ZIC1: variants seen among roughly 807,000 people sequenced by gnomAD.
The protein encoded by ZIC1 is zinc finger protein ZIC 1.
ZIC1 carries 4 observed loss-of-function variants against 30.9 expected under a neutral mutation model. The ratio of observed to expected loss-of-function variants is 0.13; its 90% CI spans 0.06 to 0.30. ZIC1 has a LOEUF of 0.30. Ranked by LOEUF, ZIC1 falls within the 10% of genes least tolerant of loss-of-function variation. ZIC1 has a pLI of 1.00. For missense variants in ZIC1, 441 were observed against 639.3 expected, an observed-to-expected ratio of 0.69 and a Z score of 3.34; for synonymous variants, 305 against 277.5, an observed-to-expected ratio of 1.10 and a Z score of -0.98.
chr3:147,410,024 T>G lies in ZIC1; in HGVS notation c.-89T>G, dbSNP rs1251973682. The G allele has an allele frequency of 1.5e-6, 2 of 1,341,172 alleles. No individual in the cohort carries two copies. Among genetic ancestry groups the G allele is most frequent in the African/African-American group, 1.5e-5 (1 of 64,570 alleles). The allele number at this position is 1,341,172 out of a possible 1,614,324, so 83.1% of individuals were successfully genotyped here. A position where few individuals can be genotyped will look rare whatever the true frequency, so the allele number is the denominator to read the frequency against. ...CTTCTTCCTCCTCTTCCTCCTCCTC[T>G]TGTTCCTCCTCCTCCTCCCGATTTT... On this transcript the variant is annotated 5_prime_UTR_variant, in exon 1 of 3. Coordinates refer to ENST00000282928, the MANE Select transcript of ZIC1 (RefSeq NM_003412.4).
chr3:147,415,142 AAATT>A lies in ZIC1; in HGVS notation c.*1597_*1600del, dbSNP rs2087422977. On this transcript the variant is annotated 3_prime_UTR_variant, in exon 3 of 3. Coordinates refer to ENST00000282928, the MANE Select transcript of ZIC1 (RefSeq NM_003412.4). ...TATTCTTCAAACATGATGCTAATTT[AAATT>A]AATTACTTCCTATGATATGTTATTA... The A allele has an allele frequency of 6.6e-6, 1 of 152,662 alleles. No homozygotes were observed. Among genetic ancestry groups the A allele is most frequent in the South Asian group, 2.1e-4 (1 of 4,832 alleles). The allele number at this position is 152,662 out of a possible 1,614,324, so 9.5% of individuals were successfully genotyped here.
chr3:147,413,666 T>A lies in ZIC1; in HGVS notation c.*115T>A. ...AACAACCCCCACACAGACCCCGCAA[T>A]CCTTTTTTAAAAAATCTGCCAATAG... is the stretch of plus-strand genomic sequence containing the variant. On this transcript the variant is annotated 3_prime_UTR_variant, in exon 3 of 3. Coordinates refer to ENST00000282928, the MANE Select transcript of ZIC1 (RefSeq NM_003412.4). 1 of 1,244,294 alleles carries A rather than the reference T, an allele frequency of 8.0e-7. No homozygotes were observed. The highest frequency in any genetic ancestry group is 1.7e-5 in the South Asian group (1 of 57,846). 77.1% of individuals were successfully genotyped at this position (1,244,294 alleles called of 1,614,324 possible). A position where few individuals can be genotyped will look rare whatever the true frequency, so the allele number is the denominator to read the frequency against.
Position 147,410,009 on chromosome 3 carries a change from C to T in ZIC1, c.-104C>T. 1 of 1,257,950 alleles carries T rather than the reference C, an allele frequency of 7.9e-7. No individual in the cohort carries two copies. The highest frequency in any genetic ancestry group is 1.1e-6 in the Non-Finnish European group (1 of 950,566). 77.9% of individuals were successfully genotyped at this position (1,257,950 alleles called of 1,614,324 possible). ...CCCCTCCCTCCTCCTCTTCTTCCTC[C>T]TCTTCCTCCTCCTCTTGTTCCTCCT... On this transcript the variant is annotated 5_prime_UTR_variant, in exon 1 of 3. Transcript: ENST00000282928.
chr3:147,412,285 A>T (rs2087388098), intron 1 of ZIC1, among the ~76,000 whole-genome samples: 1 of 152,200 alleles, frequency 6.6e-6, no homozygotes, highest in Admixed American at 6.5e-5. Flanking sequence ...ATTTTTTTAA[A>T]CATAAAAATA....
chr3:147,412,737 C>A, intron 2 of ZIC1, 56 bp downstream of exon 2: 1 of 1,576,422 alleles, frequency 6.3e-7, no homozygotes, highest in Non-Finnish European at 8.6e-7. Context: ...TGGCTCTCGG[C>A]TTGGGGTCGG....
chr3:147,411,714 C>G (rs1185037761), intron 1 of ZIC1, among the ~76,000 whole-genome samples: 2 of 151,908 alleles, frequency 1.3e-5, no homozygotes, highest in African/African-American at 4.8e-5. Flanking sequence ...TGGAGAAAGT[C>G]CGAGGAAGGC....
Position 147,410,525 on chromosome 3 carries a change from C to T in ZIC1, c.413C>T (p.Ala138Val), listed in dbSNP as rs1478245953. 3 of 1,609,014 alleles carry T rather than the reference C, an allele frequency of 1.9e-6. No individual in the cohort carries two copies. The highest frequency in any genetic ancestry group is 1.7e-6 in the Non-Finnish European group (2 of 1,178,984). The change falls in exon 1 of 3, where the codon GCG (alanine) becomes GTG (valine). Residue 138 changes from alanine to valine, a missense_variant. Physicochemically the swap from Ala to Val is moderately conservative, Grantham distance 64. Around this residue, in one of 5 missense-constraint regions of ZIC1, gnomAD observed 307 missense variants for 355.3 expected, o/e 0.86. Transcript: ENST00000282928. ...FGGPHGHTDA[A>V]GHLLFPGLHE... ...GGCCCACACGGCCACACGGACGCCG[C>T]GGGCCACCTCCTCTTCCCCGGGCTT...
rs1314272925 is a variant in ZIC1 at position 147,412,528 on chromosome 3, C to T, written c.993C>T (p.Pro331=). 12 of 1,614,150 alleles carry T rather than the reference C, an allele frequency of 7.4e-6. No homozygotes were observed. The highest frequency in any genetic ancestry group is 9.3e-6 in the Non-Finnish European group (11 of 1,180,020). Residue 331 remains proline, a synonymous_variant, in exon 2 of 3, where the codon CCC becomes CCT. Transcript: ENST00000282928. ...IHKRTHTGEK[P]FKCEFEGCDR... ...CTACTTTGGCACCAGGGGAGAAGCC[C>T]TTCAAGTGCGAGTTTGAGGGCTGTG...
rs768864689 is a variant in ZIC1, at chr3:147,410,868, A to G, written c.756A>G (p.Leu252=). Residue 252 remains leucine (L), a synonymous_variant, in exon 1 of 3, where the codon CTA becomes CTG. Transcript: ENST00000282928. Reference sequence around the variant, plus strand: ...AAACTTTCAGCACCATGCACGAGCTAGTTACGCACGTCACCGTGGAGCACG... The same window carrying G: ...AAACTTTCAGCACCATGCACGAGCTGGTTACGCACGTCACCGTGGAGCACG... ...CNKTFSTMHE[L]VTHVTVEHVG... The G allele has an allele frequency of 1.2e-6, 2 of 1,614,258 alleles. No homozygotes were observed. The highest frequency in any genetic ancestry group is 1.3e-5 in the African/African-American group (1 of 75,070).
intron 1 of ZIC1, among the ~76,000 whole-genome samples, chr3:147,411,542 A>G (rs2087378707): frequency 6.6e-6 from 1 of 152,234 alleles, no homozygotes; most frequent in Admixed American, 6.5e-5. Context: ...GAAATTGAGG[A>G]GGCCGGGTTA....
Position 147,409,853 on chromosome 3 carries a change from G to T in ZIC1, c.-260G>T, listed in dbSNP as rs941326890. The T allele has an allele frequency of 1.5e-5, 7 of 481,584 alleles. No homozygotes were observed. The highest frequency in any genetic ancestry group is 8.3e-5 in the Admixed American group (2 of 23,958). 29.8% of individuals were successfully genotyped at this position (481,584 alleles called of 1,614,324 possible). On this transcript the variant is annotated 5_prime_UTR_variant, in exon 1 of 3. Coordinates refer to ENST00000282928, the MANE Select transcript of ZIC1 (RefSeq NM_003412.4). Reference sequence around the variant, plus strand: ...AGTGCGAGCCGGGCCGGCAGAATCTGCCTGGCGGGCGCTGGAGCCTGCGTT... The same window carrying T: ...AGTGCGAGCCGGGCCGGCAGAATCTTCCTGGCGGGCGCTGGAGCCTGCGTT...
Position 147,409,894 on chromosome 3 carries a change from C to T in ZIC1, c.-219C>T. 1 of 531,302 alleles carries T rather than the reference C, an allele frequency of 1.9e-6. No homozygotes were observed. The highest frequency in any genetic ancestry group is 2.0e-5 in the African/African-American group (1 of 49,464). 32.9% of individuals were successfully genotyped at this position (531,302 alleles called of 1,614,324 possible). A position where few individuals can be genotyped will look rare whatever the true frequency, so the allele number is the denominator to read the frequency against. On this transcript the variant is annotated 5_prime_UTR_variant, in exon 1 of 3. Coordinates refer to ENST00000282928, the MANE Select transcript of ZIC1 (RefSeq NM_003412.4). ...AGCCTGCGTTACTCGCGGCCCGCAG[C>T]CGTCCGGCTACTTTGCGTTTGGCCC... is the stretch of plus-strand genomic sequence containing the variant.
chr3:147,410,236 G>A lies in ZIC1; in HGVS notation c.124G>A (p.Asp42Asn), dbSNP rs1291218062. Residue 42 changes from aspartate to asparagine, a missense_variant, in exon 1 of 3, where the codon GAC becomes AAC. Physicochemically the swap from Asp to Asn is conservative, Grantham distance 23. Around this residue, in one of 5 missense-constraint regions of ZIC1, gnomAD observed 307 missense variants for 355.3 expected, o/e 0.86. Transcript: ENST00000282928. ...DVGLGINPFA[D>N]GMGAFKLNPS... ...GGGCCTGGGCATCAACCCGTTCGCC[G>A]ACGGCATGGGCGCCTTCAAGCTCAA... The A allele has an allele frequency of 1.2e-6, 2 of 1,601,312 alleles. No individual in the cohort carries two copies. The highest frequency in any genetic ancestry group is 1.3e-5 in the African/African-American group (1 of 74,914).
chr3:147,410,054 C>G lies in ZIC1; in HGVS notation c.-59C>G. On this transcript the variant is annotated 5_prime_UTR_variant, in exon 1 of 3. Transcript: ENST00000282928. ...CCTCCTCCTCCTCCCGATTTTCCCT[C>G]CTCGGCTGGCGAGGGTGGGGGGGGC... 7.1e-7 allele frequency: 1 copy of G among 1,416,358 alleles called. No homozygotes were observed. Among genetic ancestry groups the G allele is most frequent in the Non-Finnish European group, 9.2e-7 (1 of 1,092,170 alleles). 87.7% of individuals were successfully genotyped at this position (1,416,358 alleles called of 1,614,324 possible). A position where few individuals can be genotyped will look rare whatever the true frequency, so the allele number is the denominator to read the frequency against.
At position 147,410,619 on chromosome 3, in the gene ZIC1, G is replaced by T; in HGVS notation, c.507G>T (p.Gly169=). 6.2e-7 allele frequency: 1 copy of T among 1,613,462 alleles called. No individual in the cohort carries two copies. The highest frequency in any genetic ancestry group is 1.3e-5 in the African/African-American group (1 of 75,050). Residue 169 remains glycine, a synonymous_variant, in exon 1 of 3, where the codon GGG becomes GGT. Transcript: ENST00000282928. ...VNGQMRLGFS[G]DMYPRPEQYG... is the part of the protein sequence containing the mutation. ...GGCAGATGAGGCTCGGCTTCTCGGG[G>T]GACATGTACCCGCGACCGGAGCAGT...
rs561271133 is a variant in ZIC1 at position 147,414,070 on chromosome 3, G to A, written c.*519G>A. ...GGGAGGGGGAGGGGGAGGGGTGGGC[G>A]GCCGAAAGCCAACTGTTTGTACTGA... On this transcript the variant is annotated 3_prime_UTR_variant, in exon 3 of 3. Transcript: ENST00000282928. The A allele has an allele frequency of 4.0e-3, 604 of 149,768 alleles. No individual in the cohort carries two copies. The highest frequency in any genetic ancestry group is 7.2e-3 in the Non-Finnish European group (482 of 67,252). 9.3% of individuals were successfully genotyped at this position (149,768 alleles called of 1,614,324 possible).
In ZIC1 at chr3:147,411,058, T is replaced by C. The variant is rs1248756748; in HGVS notation, c.946T>C (p.Ser316Pro). 1 of 1,613,904 alleles carries C rather than the reference T, an allele frequency of 6.2e-7. No individual in the cohort carries two copies. The change falls in exon 1 of 3, where the codon TCC becomes CCC. Residue 316 changes from serine (S) to proline (P), a missense_variant. Physicochemically the swap from Ser to Pro is moderately conservative, Grantham distance 74. This residue lies in a region of ZIC1 where 14 missense variants were observed against 99.8 expected (regional missense o/e 0.14). Transcript: ENST00000282928. Reference sequence around the variant, plus strand: ...TGGCTGTGGCAAGGTCTTCGCGCGCTCCGAGAATTTAAAGATCCACAAAAG... The same window carrying C: ...TGGCTGTGGCAAGGTCTTCGCGCGCCCCGAGAATTTAAAGATCCACAAAAG... ...FPGCGKVFAR[S>P]ENLKIHKRTH...
In ZIC1 at chr3:147,410,082, G is replaced by C. The variant is rs1491000270; in HGVS notation, c.-31G>C. 7.0e-7 allele frequency: 1 copy of C among 1,418,742 alleles called. No individual in the cohort carries two copies. The highest frequency in any genetic ancestry group is 9.2e-7 in the Non-Finnish European group (1 of 1,085,834). 87.9% of individuals were successfully genotyped at this position (1,418,742 alleles called of 1,614,324 possible). On this transcript the variant is annotated 5_prime_UTR_variant, in exon 1 of 3. Transcript: ENST00000282928. ...CGGCTGGCGAGGGTGGGGGGGGCGGGGGAGGCCGGGGCTCGCCCCGAGCAG... is the reference window on the plus strand; with the variant it reads ...CGGCTGGCGAGGGTGGGGGGGGCGGCGGAGGCCGGGGCTCGCCCCGAGCAG...
chr3:147,409,980 A>C lies in ZIC1; in HGVS notation c.-133A>C. On this transcript the variant is annotated 5_prime_UTR_variant, in exon 1 of 3. Transcript: ENST00000282928. ...GGCTAGGACTTCGCGAGGTGGGTCGACTCCCCCTCCCTCCTCCTCTTCTTC... is the reference window on the plus strand; with the variant it reads ...GGCTAGGACTTCGCGAGGTGGGTCGCCTCCCCCTCCCTCCTCCTCTTCTTC... 3 of 984,210 alleles carry C rather than the reference A, an allele frequency of 3.0e-6. No individual in the cohort carries two copies. The highest frequency in any genetic ancestry group is 4.2e-6 in the Non-Finnish European group (3 of 716,278). The allele number at this position is 984,210 out of a possible 1,614,324, so 61.0% of individuals were successfully genotyped here. A position where few individuals can be genotyped will look rare whatever the true frequency, so the allele number is the denominator to read the frequency against.
Sources: gnomAD v4.1 joint callset for allele counts (sites outside exome capture counted in the v4.1 genomes callset) on GRCh38, gnomAD v4.1.1 for gene constraint, gnomAD v4.1.1 regional missense constraint, MANE v1.5 for transcripts, NCBI Gene and HGNC (gene_info 2026-07-23, HGNC 2026-07-21) for gene names.